Variants in RYR2 observed in about 807,000 individuals in gnomAD.
The protein encoded by RYR2 is cardiac muscle ryanodine receptor-calcium release channel.
In RYR2, 227 loss-of-function variants were observed where a neutral mutation model predicts 601.1. The observed-to-expected ratio is 0.38, with a 90% CI of 0.34 to 0.42. The LOEUF (loss-of-function observed/expected upper bound fraction) is 0.42, where lower values mean the gene tolerates loss of function less well. Among genes scored for constraint, RYR2 ranks in the 10% least tolerant of loss-of-function variants. RYR2 has a pLI of 1.00. For synonymous variants in RYR2, 2,223 were observed against 2,175.1 expected (o/e 1.02, Z -0.61); for missense variants, 4,646 against 6,156.5 (o/e 0.75, Z 8.21).
In RYR2 at chr1:237,105,900, A is replaced by G. The variant is rs568397659; in HGVS notation, c.48+63331A>G. Among the ~76,000 whole-genome samples, 5 of 151,528 alleles carry G rather than the reference A, an allele frequency of 3.3e-5. No homozygotes were observed. The East Asian group carries it at 9.7e-4, about 30-fold the overall frequency. On this transcript the variant is annotated intron_variant, in intron 1 of 104. Coordinates refer to ENST00000366574, the MANE Select transcript of RYR2 (RefSeq NM_001035.3). ...AGTTATCAGAGTGGGTCTCTTTGAGATAGTAGCAGTTGAGCAGCTTGAAGA... is the reference window on the plus strand; with the variant it reads ...AGTTATCAGAGTGGGTCTCTTTGAGGTAGTAGCAGTTGAGCAGCTTGAAGA...
At chr1:237,210,589 A>G (rs887043795) in intron 1 of RYR2, among the ~76,000 whole-genome samples, 1 of 152,120 alleles carries the variant, frequency 6.6e-6, no homozygotes, top group East Asian at 1.9e-4. Context: ...CCATTCCATT[A>G]TATGCTGGTC....
chr1:237,786,020 G>T lies in RYR2; in HGVS notation c.13312G>T (p.Glu4438Ter). 6.3e-7 allele frequency: 1 copy of T among 1,588,098 alleles called. No homozygotes were observed. The highest frequency in any genetic ancestry group is 1.1e-5 in the South Asian group (1 of 87,278). The change falls in exon 91 of 105, where the codon GAA becomes TAA. Residue 4438 changes from glutamate to a stop codon, truncating the protein, a stop_gained. Coordinates refer to ENST00000366574, the MANE Select transcript of RYR2 (RefSeq NM_001035.3). LOFTEE classifies it high-confidence loss of function. ...EKEEKEETKS[E>*]PEKAEGEDGE... ...GGAAGAAAAAGAAGAAACCAAATCT[G>T]AACCTGAAAAAGCCGAGTATGTATA... is the stretch of plus-strand genomic sequence containing the variant.
At position 237,783,638 on chromosome 1, in the gene RYR2, A is replaced by T. The variant is rs757122267; in HGVS notation, c.11963-37A>T. ...CTTCTGTATGATCACTGATTTTGTT[A>T]GTTTATTTTAAACAAATGCAACTGC... On this transcript the variant is annotated intron_variant, in intron 89 of 104. Coordinates refer to ENST00000366574, the MANE Select transcript of RYR2 (RefSeq NM_001035.3). 3 of 1,302,294 alleles carry T rather than the reference A, an allele frequency of 2.3e-6. No individual in the cohort carries two copies. In the South Asian group the frequency reaches 4.1e-5, roughly 18 times the overall value. 80.7% of individuals were successfully genotyped at this position (1,302,294 alleles called of 1,614,324 possible). A position where few individuals can be genotyped will look rare whatever the true frequency, so the allele number is the denominator to read the frequency against.
chr1:237,500,357 A>G (rs1378197049), intron 20 of RYR2, among the ~76,000 whole-genome samples: 5 of 152,116 alleles, frequency 3.3e-5, no homozygotes, highest in African/African-American at 9.7e-5. Context: ...TGGTCTTACA[A>G]GTAGTAGATG....
intron 10 of RYR2, among the ~76,000 whole-genome samples, chr1:237,414,229 T>G (rs944754809): frequency 1.6e-4 from 20 of 122,864 alleles, no homozygotes; most frequent in Admixed American, 7.2e-4. Flanking sequence ...ATTTTGTCAT[T>G]CAGTCTTACT....
intron 80 of RYR2, among the ~76,000 whole-genome samples, chr1:237,750,385 G>C (rs1278418216): frequency 6.6e-6 from 1 of 151,752 alleles, no homozygotes; most frequent in Non-Finnish European, 1.5e-5. Context: ...AAGCTTTCTA[G>C]GAGCCAACGT....
intron 80 of RYR2, among the ~76,000 whole-genome samples, chr1:237,754,522 T>G (rs1395631261): frequency 6.6e-6 from 1 of 152,174 alleles, no homozygotes; most frequent in Non-Finnish European, 1.5e-5. Context: ...TTCTATTAGG[T>G]CAATAGAAGA....
Position 237,627,791 on chromosome 1 carries a change from C to A in RYR2, c.6167-16C>A. On this transcript the variant is annotated splice_polypyrimidine_tract_variant and intron_variant, in intron 40 of 104. Coordinates refer to ENST00000366574, the MANE Select transcript of RYR2 (RefSeq NM_001035.3). The stretch of plus-strand genomic sequence containing the variant: ...TCTTATTTTTCTTTTAAAAAATATC[C>A]ATAATGACTTTGCAGCCACTCTGCA... 6.4e-7 allele frequency: 1 copy of A among 1,573,178 alleles called. No individual in the cohort carries two copies. The highest frequency in any genetic ancestry group is 8.7e-7 in the Non-Finnish European group (1 of 1,154,510).
intron 3 of RYR2, among the ~76,000 whole-genome samples, chr1:237,344,296 C>T (rs969359268): frequency 2.6e-5 from 4 of 152,168 alleles, no homozygotes; most frequent in Non-Finnish European, 4.4e-5. Flanking sequence ...AACTATTGCA[C>T]GCTGTCCCTC....
chr1:237,801,953 C>T, intron 98 of RYR2, 37 bp downstream of exon 98: 1 of 1,295,354 alleles, frequency 7.7e-7, no homozygotes, highest in Non-Finnish European at 1.1e-6. Flanking sequence ...AAAATGCACT[C>T]TGATTAGATA....
At chr1:237,075,463 G>C (rs1664912979) in intron 1 of RYR2, among the ~76,000 whole-genome samples, 1 of 138,106 alleles carries the variant, frequency 7.2e-6, no homozygotes, top group African/African-American at 2.8e-5. Flanking sequence ...GCCTCACCTG[G>C]GAAGTGCAAG....
intron 1 of RYR2, among the ~76,000 whole-genome samples, chr1:237,206,310 C>T (rs1558423198): frequency 6.6e-6 from 1 of 152,204 alleles, no homozygotes; most frequent in South Asian, 2.1e-4. Context: ...CCCTGAAACT[C>T]GGCCGAACAT....
Position 237,560,987 on chromosome 1 carries a change from T to C in RYR2, c.3215-5580T>C, listed in dbSNP as rs149509200. Among the ~76,000 whole-genome samples, 437 of 152,124 alleles carry C rather than the reference T, an allele frequency of 2.9e-3. 5 individuals carry two copies. The highest frequency in any genetic ancestry group is 0.01 in the African/African-American group (415 of 41,490). ...GATGTTGAGAGTGAAGGTAGTGAAA[T>C]TGGACAGTAATTGGGGTTAAGAGAG... is the stretch of plus-strand genomic sequence containing the variant. On this transcript the variant is annotated intron_variant, in intron 27 of 104. Transcript: ENST00000366574.
At chr1:237,671,870 C>T (rs540024272) in intron 58 of RYR2, among the ~76,000 whole-genome samples, 12 of 152,256 alleles carry the variant, frequency 7.9e-5, no homozygotes, top group African/African-American at 2.9e-4. Flanking sequence ...ACTGCCACTT[C>T]AAGTATTTTG....
At chr1:237,277,063 T>C (rs1265080998) in intron 2 of RYR2, among the ~76,000 whole-genome samples, 1 of 152,208 alleles carries the variant, frequency 6.6e-6, no homozygotes, top group Non-Finnish European at 1.5e-5. Context: ...CATTAAAATC[T>C]TTATCATGAC....
chr1:237,308,488 C>T (rs1463600798), intron 2 of RYR2, among the ~76,000 whole-genome samples: 5 of 152,176 alleles, frequency 3.3e-5, no homozygotes, highest in Non-Finnish European at 7.3e-5. Context: ...GGATTTGTGT[C>T]TGGAATTGGT....
intron 12 of RYR2, among the ~76,000 whole-genome samples, chr1:237,440,885 A>G (rs1707838493): frequency 6.6e-6 from 1 of 152,006 alleles, no homozygotes; most frequent in Admixed American, 6.6e-5. Flanking sequence ...GAGAAAACTG[A>G]GGCTTAAAAG....
chr1:237,316,165 C>G (rs955942465), intron 2 of RYR2, among the ~76,000 whole-genome samples: 1 of 151,994 alleles, frequency 6.6e-6, no homozygotes, highest in Non-Finnish European at 1.5e-5. Context: ...TTAAAGTTCC[C>G]TTTTATGTCA....
At position 237,204,083 on chromosome 1, in the gene RYR2, G is replaced by A. The variant is rs116063329; in HGVS notation, c.49-66414G>A. On this transcript the variant is annotated intron_variant, in intron 1 of 104. Transcript: ENST00000366574. ...TGGAGTACAGTGGCGCAATCATGAC[G>A]CACTGCAACCTTCTCCTCCTGGGTT... Among the ~76,000 whole-genome samples, 903 of 152,224 alleles carry A rather than the reference G, an allele frequency of 5.9e-3. 10 individuals carry two copies. The highest frequency in any genetic ancestry group is 0.031 in the Middle Eastern group (9 of 294).
Sources: gnomAD v4.1 joint callset for allele counts (sites outside exome capture counted in the v4.1 genomes callset) on GRCh38, gnomAD v4.1.1 for gene constraint, MANE v1.5 for transcripts, NCBI Gene and HGNC (gene_info 2026-07-23, HGNC 2026-07-21) for gene names.